FSIP1: variants seen among roughly 807,000 people sequenced by gnomAD.
The protein encoded by FSIP1 is fibrous sheath-interacting protein 1.
A neutral mutation model predicts 60.9 loss-of-function variants in FSIP1; 65 were observed. That is an observed-to-expected ratio of 1.07 (90% CI 0.87 to 1.31). The LOEUF (loss-of-function observed/expected upper bound fraction) is 1.31, where lower values mean the gene tolerates loss of function less well. Ranked by LOEUF, FSIP1 falls within the 40% of genes most tolerant of loss-of-function variation. The pLI is 0.00. For missense variants in FSIP1, 675 were observed against 665.5 expected, an observed-to-expected ratio of 1.01 and a Z score of -0.16; for synonymous variants, 209 against 221.2, an observed-to-expected ratio of 0.94 and a Z score of 0.49.
chr15:39,603,284 G>A (rs1890705912), intron 11 of FSIP1, among the ~76,000 whole-genome samples: 1 of 152,204 alleles, frequency 6.6e-6, no homozygotes, highest in South Asian at 2.1e-4. Flanking sequence ...TGGCTGCACA[G>A]CAGAATCACC....
intron 10 of FSIP1, among the ~76,000 whole-genome samples, chr15:39,632,263 C>T (rs1315696646): frequency 6.6e-6 from 1 of 152,108 alleles, no homozygotes; most frequent in African/African-American, 2.4e-5. Context: ...CTACAATCTC[C>T]ACCTGCTGGG....
At chr15:39,764,576 C>T (rs1257996067) in intron 4 of FSIP1, among the ~76,000 whole-genome samples, 3 of 152,188 alleles carry the variant, frequency 2.0e-5, no homozygotes, top group South Asian at 2.1e-4. Context: ...AAGGTGCTTT[C>T]CTTTGAGGGT....
At chr15:39,664,679 C>T (rs1893427866) in intron 10 of FSIP1, among the ~76,000 whole-genome samples, 2 of 152,124 alleles carry the variant, frequency 1.3e-5, no homozygotes, top group Admixed American at 1.3e-4. Context: ...AAGAGCTCCC[C>T]CAATCCCCAC....
intron 5 of FSIP1, among the ~76,000 whole-genome samples, chr15:39,756,548 G>C (rs1897306219): frequency 6.6e-6 from 1 of 151,874 alleles, no homozygotes; most frequent in Non-Finnish European, 1.5e-5. Context: ...AGTAGCCCAG[G>C]TTGGTCTCGA....
chr15:39,744,453 G>A (rs988367624), intron 5 of FSIP1, among the ~76,000 whole-genome samples: 12 of 152,164 alleles, frequency 7.9e-5, no homozygotes, highest in African/African-American at 2.9e-4. Flanking sequence ...TAGAGGACCT[G>A]GAAGACCAGC....
At chr15:39,745,852 G>A (rs144550054) in intron 5 of FSIP1, among the ~76,000 whole-genome samples, 1 of 152,214 alleles carries the variant, frequency 6.6e-6, no homozygotes, top group East Asian at 1.9e-4. Flanking sequence ...GGGAGGCCAA[G>A]AGGAATCTCT....
intron 10 of FSIP1, among the ~76,000 whole-genome samples, chr15:39,657,109 C>T (rs896803050): frequency 2.0e-5 from 3 of 152,212 alleles, no homozygotes; most frequent in South Asian, 2.1e-4. Context: ...TCTCAAAGAC[C>T]GGGCATTTCC....
chr15:39,737,047 G>A (rs1254955273), intron 8 of FSIP1, among the ~76,000 whole-genome samples: 1 of 152,132 alleles, frequency 6.6e-6, no homozygotes, highest in African/African-American at 2.4e-5. Flanking sequence ...TATGGGCAGG[G>A]GGCCAGCAGC....
intron 5 of FSIP1, among the ~76,000 whole-genome samples, chr15:39,744,306 T>C (rs1896911005): frequency 6.6e-6 from 1 of 152,154 alleles, no homozygotes. Context: ...AAATCTCCCT[T>C]TAGAGATCAT....
chr15:39,759,553 C>T (rs10520151), intron 5 of FSIP1, among the ~76,000 whole-genome samples: 40,977 of 152,148 alleles, frequency 0.27, 6,717 homozygotes, highest in Non-Finnish European at 0.38. Context: ...AAGTATTTCT[C>T]TTCTAGGAAT....
At chr15:39,609,602 C>T (rs998467510) in intron 11 of FSIP1, among the ~76,000 whole-genome samples, 8 of 152,344 alleles carry the variant, frequency 5.3e-5, no homozygotes, top group African/African-American at 1.9e-4. Context: ...AAGCCTGCAT[C>T]CATGTGTTTC....
At position 39,714,227 on chromosome 15, in the gene FSIP1, T is replaced by A. The variant is rs181312280; in HGVS notation, c.1051-646A>T. Among the ~76,000 whole-genome samples the A allele has an allele frequency of 2.0e-5, 3 of 152,292 alleles. No homozygotes were observed. In the East Asian group the frequency reaches 5.8e-4, roughly 29 times the overall value. ...ATATGTCCTTTGAAAAGACTAAGTA[T>A]TACATAATGAAAGTACTTCATTATT... On this transcript the variant is annotated intron_variant, in intron 9 of 11. Transcript: ENST00000350221.
At chr15:39,676,513 A>G (rs930933035) in intron 10 of FSIP1, among the ~76,000 whole-genome samples, 4 of 152,180 alleles carry the variant, frequency 2.6e-5, no homozygotes, top group African/African-American at 9.7e-5. Context: ...TGCTCTGGAT[A>G]TATTCCTGAA....
In FSIP1 at chr15:39,658,269, T is replaced by C. The variant is rs866511474; in HGVS notation, c.1189-40024A>G. 3.0e-4 allele frequency among the ~76,000 whole-genome samples: 46 copies of C among 150,970 alleles called. No individual in the cohort carries two copies. In the Middle Eastern group the frequency reaches 0.017, roughly 56 times the overall value. On this transcript the variant is annotated intron_variant, in intron 10 of 11. Transcript: ENST00000350221. ...AGACATGATTTTTTTTTTTTTTTTT[T>C]TTTGAGATGGAGTCTCGCTGTCACC...
At chr15:39,777,487 T>C (rs1471936403) in intron 1 of FSIP1, among the ~76,000 whole-genome samples, 1 of 152,220 alleles carries the variant, frequency 6.6e-6, no homozygotes, top group Non-Finnish European at 1.5e-5. Flanking sequence ...CTTCATGTGA[T>C]ATATCCACAG....
intron 8 of FSIP1, among the ~76,000 whole-genome samples, chr15:39,733,465 A>C (rs946131654): frequency 1.3e-5 from 2 of 152,228 alleles, no homozygotes; most frequent in Non-Finnish European, 2.9e-5. Context: ...TAACATTATG[A>C]GAAAGATGTT....
intron 10 of FSIP1, among the ~76,000 whole-genome samples, chr15:39,683,538 C>T (rs1461298786): frequency 6.6e-6 from 1 of 152,126 alleles, no homozygotes; most frequent in Admixed American, 6.5e-5. Context: ...ACTCCCACCA[C>T]ACCTACTTGA....
At chr15:39,612,638 T>C (rs1046749875) in intron 11 of FSIP1, among the ~76,000 whole-genome samples, 15 of 151,680 alleles carry the variant, frequency 9.9e-5, no homozygotes, top group African/African-American at 3.4e-4. Flanking sequence ...AAATAACAAA[T>C]ATTAGAGCCA....
At chr15:39,615,964 A>G (rs938969783) in intron 11 of FSIP1, among the ~76,000 whole-genome samples, 2 of 143,692 alleles carry the variant, frequency 1.4e-5, no homozygotes, top group Admixed American at 6.8e-5. Context: ...TCTTACCACA[A>G]AAAAATGGTA....
Sources: gnomAD v4.1 joint callset for allele counts (sites outside exome capture counted in the v4.1 genomes callset) on GRCh38, gnomAD v4.1.1 for gene constraint, MANE v1.5 for transcripts, NCBI Gene and HGNC (gene_info 2026-07-23, HGNC 2026-07-21) for gene names.